Variants in PKNOX2 observed in about 807,000 individuals in gnomAD.
PKNOX2 encodes homeobox protein PKNOX2.
PKNOX2 carries 14 observed loss-of-function variants against 53.1 expected under a neutral mutation model. The observed-to-expected ratio is 0.26, with a 90% CI of 0.17 to 0.41. The LOEUF is 0.41. Ranked by LOEUF, PKNOX2 falls within the 10% of genes least tolerant of loss-of-function variation. The pLI is 1.00. For missense variants in PKNOX2, 496 were observed against 602.8 expected, an observed-to-expected ratio of 0.82 and a Z score of 1.85; for synonymous variants, 257 against 242.8, an observed-to-expected ratio of 1.06 and a Z score of -0.54.
chr11:125,271,896 C>T (rs1945818732), intron 2 of PKNOX2, among the ~76,000 whole-genome samples: 1 of 152,192 alleles, frequency 6.6e-6, no homozygotes, highest in African/African-American at 2.4e-5. Flanking sequence ...CCTTTGCCCA[C>T]CCCCGTGACA....
At chr11:125,269,458 G>T (rs1412119346) in intron 2 of PKNOX2, among the ~76,000 whole-genome samples, 1 of 152,132 alleles carries the variant, frequency 6.6e-6, no homozygotes, top group Non-Finnish European at 1.5e-5. Context: ...TCTTTAATTT[G>T]GCATGTCATT....
chr11:125,190,741 G>A (rs929442816), intron 1 of PKNOX2, among the ~76,000 whole-genome samples: 13 of 152,110 alleles, frequency 8.5e-5, no homozygotes, highest in Non-Finnish European at 1.5e-4. Context: ...ATGCAAATCC[G>A]TGCCTGCATC....
chr11:125,173,949 G>A (rs1157741699), intron 1 of PKNOX2, among the ~76,000 whole-genome samples: 1 of 152,194 alleles, frequency 6.6e-6, no homozygotes, highest in Non-Finnish European at 1.5e-5. Flanking sequence ...GTAGCACAAT[G>A]GGTCTGTGCT....
intron 5 of PKNOX2, among the ~76,000 whole-genome samples, chr11:125,376,511 G>C (rs923042560): frequency 1.3e-5 from 2 of 152,116 alleles, no homozygotes; most frequent in Non-Finnish European, 2.9e-5. Flanking sequence ...GCAGCCCCCA[G>C]CAGAGCCCCA....
intron 3 of PKNOX2, among the ~76,000 whole-genome samples, chr11:125,332,990 C>A (rs1198613647): frequency 6.6e-6 from 1 of 152,136 alleles, no homozygotes; most frequent in African/African-American, 2.4e-5. Context: ...TGTGGCTCCT[C>A]GCGGTGGAAG....
chr11:125,301,618 G>C (rs1258765017), intron 2 of PKNOX2, among the ~76,000 whole-genome samples: 1 of 152,008 alleles, frequency 6.6e-6, no homozygotes, highest in East Asian at 1.9e-4. Context: ...ATATGAATTT[G>C]TTACATATTA....
intron 1 of PKNOX2, among the ~76,000 whole-genome samples, chr11:125,167,678 G>A (rs979547398): frequency 2.0e-5 from 3 of 152,236 alleles, no homozygotes; most frequent in Non-Finnish European, 4.4e-5. Context: ...CTCTCTGGGA[G>A]TTTACTGCTC....
At chr11:125,355,810 AC>A (rs773892788) in intron 4 of PKNOX2, among the ~76,000 whole-genome samples, 8 of 151,362 alleles carry the variant, frequency 5.3e-5, no homozygotes, top group Non-Finnish European at 1.0e-4. Context: ...ACACACAACC[AC>A]CCCGTCACTC....
rs865962103 is a variant in PKNOX2 at position 125,399,265 on chromosome 11, C to T, written c.588+1203C>T. On this transcript the variant is annotated intron_variant, in intron 7 of 12. Coordinates refer to ENST00000298282, the MANE Select transcript of PKNOX2 (RefSeq NM_001382323.2). ...ACTTTATTACAGATCTAAAAACACCCGCCCGGGCTTCTGCCTGCTAATATT... is the reference window on the plus strand; with the variant it reads ...ACTTTATTACAGATCTAAAAACACCTGCCCGGGCTTCTGCCTGCTAATATT... Among the ~76,000 whole-genome samples, 5 of 152,246 alleles carry T rather than the reference C, an allele frequency of 3.3e-5. No individual in the cohort carries two copies. In the South Asian group the frequency reaches 8.3e-4, roughly 25 times the overall value.
chr11:125,305,959 A>C (rs1948421548), intron 2 of PKNOX2, among the ~76,000 whole-genome samples: 1 of 152,222 alleles, frequency 6.6e-6, no homozygotes, highest in Admixed American at 6.5e-5. Flanking sequence ...CCTTTTTAAA[A>C]GCCAGGTGTA....
At chr11:125,208,174 G>A (rs1173211661) in intron 1 of PKNOX2, among the ~76,000 whole-genome samples, 1 of 152,052 alleles carries the variant, frequency 6.6e-6, no homozygotes, top group Non-Finnish European at 1.5e-5. Context: ...AGTTCTAATA[G>A]GCATCAGTGG....
At chr11:125,424,874 G>T (rs1338020243) in intron 10 of PKNOX2, among the ~76,000 whole-genome samples, 3 of 152,256 alleles carry the variant, frequency 2.0e-5, no homozygotes, top group Admixed American at 6.5e-5. Flanking sequence ...TCAATTGAAA[G>T]ATGCTTTTAG....
chr11:125,399,569 G>A (rs184985602), intron 7 of PKNOX2, among the ~76,000 whole-genome samples: 1 of 152,248 alleles, frequency 6.6e-6, no homozygotes, highest in Non-Finnish European at 1.5e-5. Flanking sequence ...GAGTTAATGA[G>A]ATGGAAAGCC....
rs767310412 is a variant in PKNOX2, at chr11:125,397,948, T to C, written c.474T>C (p.Phe158=). 1 of 1,614,128 alleles carries C rather than the reference T, an allele frequency of 6.2e-7. No homozygotes were observed. The highest frequency in any genetic ancestry group is 1.1e-5 in the South Asian group (1 of 91,084). ...AAGTCAATGAACTCTGCAAGGACTTTTGTAACCGTTACATCACCTGCCTCA... is the reference window on the plus strand; with the variant it reads ...AAGTCAATGAACTCTGCAAGGACTTCTGTAACCGTTACATCACCTGCCTCA... The part of the protein sequence containing the change: ...LEKVNELCKD[F]CNRYITCLKT... The change falls in exon 7 of 13, where the codon TTT becomes TTC. Residue 158 remains phenylalanine, a synonymous_variant. Coordinates refer to ENST00000298282, the MANE Select transcript of PKNOX2 (RefSeq NM_001382323.2).
intron 2 of PKNOX2, among the ~76,000 whole-genome samples, chr11:125,271,973 T>A (rs943383798): frequency 2.0e-5 from 3 of 152,254 alleles, no homozygotes; most frequent in African/African-American, 7.2e-5. Context: ...GCCCTGTGCC[T>A]GCAGTGGCAG....
intron 4 of PKNOX2, among the ~76,000 whole-genome samples, chr11:125,360,999 ACACCCAAATCCCC>A (rs1467822040): frequency 6.6e-6 from 1 of 152,180 alleles, no homozygotes; most frequent in African/African-American, 2.4e-5. Flanking sequence ...TCTGGGCTGG[ACACCCAAATCCCC>A]CCAGTCAGTT....
chr11:125,322,129 G>A (rs903441953), intron 2 of PKNOX2, among the ~76,000 whole-genome samples: 1 of 152,148 alleles, frequency 6.6e-6, no homozygotes, highest in Non-Finnish European at 1.5e-5. Context: ...GTCCTTGAAG[G>A]AGAGTCATAG....
chr11:125,251,951 T>C (rs1944036320), intron 2 of PKNOX2, among the ~76,000 whole-genome samples: 1 of 152,128 alleles, frequency 6.6e-6, no homozygotes, highest in Non-Finnish European at 1.5e-5. Context: ...CACCTGTCCA[T>C]TGCCCACTCT....
At chr11:125,287,433 G>T (rs1946976596) in intron 2 of PKNOX2, among the ~76,000 whole-genome samples, 1 of 152,234 alleles carries the variant, frequency 6.6e-6, no homozygotes, top group African/African-American at 2.4e-5. Flanking sequence ...GCAACCTGGG[G>T]AAAGGGCGTG....
Sources: gnomAD v4.1 joint callset for allele counts (sites outside exome capture counted in the v4.1 genomes callset) on GRCh38, gnomAD v4.1.1 for gene constraint, MANE v1.5 for transcripts, NCBI Gene and HGNC (gene_info 2026-07-23, HGNC 2026-07-21) for gene names.